Variants in IL13RA1 observed in about 807,000 individuals in gnomAD.
IL13RA1 encodes the protein interleukin 13 receptor subunit alpha 1.
In IL13RA1, 14 loss-of-function variants were observed where a neutral mutation model predicts 33.8. The ratio of observed to expected loss-of-function variants is 0.41; its 90% CI spans 0.27 to 0.65. The LOEUF is 0.65. IL13RA1 is among the 30% of genes least tolerant of loss of function. The probability of loss-of-function intolerance (pLI) is 0.28; values close to 1 mark genes in which losing one functional copy is unlikely to be tolerated. For synonymous variants in IL13RA1, 116 were observed against 115.7 expected, an observed-to-expected ratio of 1.00 and a Z score of -0.02; for missense variants, 313 against 327.0, an observed-to-expected ratio of 0.96 and a Z score of 0.33.
Position 118,782,205 on chromosome X carries a change from T to C in IL13RA1, c.1191+5694T>C, listed in dbSNP as rs1165926640. ...TTCCTGCCTCAGCCTCCTGAATAGCTGGGACTATAGTCACGTGCCACCACA... is the reference window on the plus strand; with the variant it reads ...TTCCTGCCTCAGCCTCCTGAATAGCCGGGACTATAGTCACGTGCCACCACA... On this transcript the variant is annotated intron_variant, in intron 10 of 10. Transcript: ENST00000371666. 2.7e-5 allele frequency among the ~76,000 whole-genome samples: 3 copies of C among 111,748 alleles called. No homozygotes were observed. In the East Asian group the frequency reaches 8.5e-4, roughly 32 times the overall value.
chrX:118,787,747 G>T (rs761498664), intron 10 of IL13RA1, among the ~76,000 whole-genome samples: 12 of 111,652 alleles, frequency 1.1e-4, no homozygotes, highest in Non-Finnish European at 7.5e-5. Context: ...GATATTTCTC[G>T]TACCTGTTTT....
intron 10 of IL13RA1, among the ~76,000 whole-genome samples, chrX:118,788,346 G>T (rs1453488834): frequency 8.9e-6 from 1 of 111,931 alleles, no homozygotes; most frequent in Non-Finnish European, 1.9e-5. Flanking sequence ...GGCAAATTCT[G>T]CCTGCCACTT....
downstream of IL13RA1, among the ~76,000 whole-genome samples, chrX:118,799,340 G>A (rs771601952): frequency 1.5e-3 from 167 of 113,305 alleles, no homozygotes; most frequent in African/African-American, 5.0e-3. Context: ...TGAGGAATGC[G>A]AGCGCACAGT....
chrX:118,782,780 T>G (rs1603221926), intron 10 of IL13RA1, among the ~76,000 whole-genome samples: 1 of 103,571 alleles, frequency 9.7e-6, no homozygotes, highest in Non-Finnish European at 2.0e-5. Context: ...TTTTTTTTTT[T>G]TTGTATGAAT....
At chrX:118,742,507 C>A (rs1427863511) in intron 2 of IL13RA1, among the ~76,000 whole-genome samples, 3 of 112,243 alleles carry the variant, frequency 2.7e-5, no homozygotes, top group Non-Finnish European at 5.6e-5. Context: ...TTTTCAGGTC[C>A]CTTTTCCTTA....
chrX:118,800,645 C>G, the IL13RA1 span, among the ~76,000 whole-genome samples: 2 of 111,110 alleles, frequency 1.8e-5, no homozygotes, highest in Non-Finnish European at 3.8e-5. Context: ...GACCAAGAAC[C>G]CACCAATTCG....
intron 10 of IL13RA1, among the ~76,000 whole-genome samples, chrX:118,784,122 T>C (rs2017884291): frequency 4.7e-5 from 1 of 21,334 alleles, no homozygotes; most frequent in South Asian, 8.5e-3. Context: ...TATATATGTA[T>C]ATATATGTAT....
chrX:118,742,937 C>A (rs748768598), intron 2 of IL13RA1, among the ~76,000 whole-genome samples: 5 of 111,684 alleles, frequency 4.5e-5, no homozygotes, highest in African/African-American at 9.8e-5. Context: ...TGAATGTTGT[C>A]AGTATTATTT....
chrX:118,791,809 C>T lies in IL13RA1; in HGVS notation c.1239C>T (p.Thr413=), dbSNP rs773222338. Residue 413 remains threonine, a synonymous_variant, in exon 11 of 11, where the codon ACC becomes ACT. Coordinates refer to ENST00000371666, the MANE Select transcript of IL13RA1 (RefSeq NM_001560.3). ...ATGAGAAGCAAACCAAGGAGGAAAC[C>T]GACTCTGTAGTGCTGATAGAAAACC... ...DIYEKQTKEE[T]DSVVLIENLK... 76 of 1,083,594 alleles carry T rather than the reference C, an allele frequency of 7.0e-5. No individual in the cohort carries two copies. Among genetic ancestry groups the T allele is most frequent in the Non-Finnish European group, 9.6e-5 (75 of 783,095 alleles). 89.3% of individuals were successfully genotyped at this position (1,083,594 alleles called of 1,213,427 possible). A position where few individuals can be genotyped will look rare whatever the true frequency, so the allele number is the denominator to read the frequency against.
chrX:118,728,628 A>G (rs961084324), intron 1 of IL13RA1, among the ~76,000 whole-genome samples: 8 of 112,249 alleles, frequency 7.1e-5, no homozygotes, highest in Admixed American at 6.6e-4. Context: ...ACATTGACAC[A>G]AACACTTATA....
At chrX:118,770,371 C>T (rs768180767) in intron 8 of IL13RA1, 138 of 371,590 alleles carry the variant, frequency 3.7e-4, no homozygotes, top group Non-Finnish European at 6.9e-4. Context: ...CTGCATCACC[C>T]GGTAGACCAA....
intron 1 of IL13RA1, among the ~76,000 whole-genome samples, chrX:118,730,846 G>C (rs750216472): frequency 8.9e-6 from 1 of 111,964 alleles, no homozygotes; most frequent in South Asian, 3.7e-4. Context: ...TGCATGATTG[G>C]GGTAACTAAG....
chrX:118,763,431 A>G (rs2017611217), intron 6 of IL13RA1, among the ~76,000 whole-genome samples: 1 of 112,325 alleles, frequency 8.9e-6, no homozygotes, highest in East Asian at 2.8e-4. Flanking sequence ...CTAAGGTCAC[A>G]TTTTTAGTAA....
chrX:118,757,932 C>T (rs1053962675), intron 4 of IL13RA1, 123 bp from the exon 5 acceptor site: 13 of 403,878 alleles, frequency 3.2e-5, no homozygotes, highest in Admixed American at 1.8e-4. Flanking sequence ...CTCAAGTGAT[C>T]CGCCTGCCTC....
chrX:118,801,804 A>T, the IL13RA1 span, among the ~76,000 whole-genome samples: 3 of 112,604 alleles, frequency 2.7e-5, no homozygotes, highest in African/African-American at 9.7e-5. Flanking sequence ...TTACAATATC[A>T]TACTATAATA....
At chrX:118,802,196 A>G in the IL13RA1 span, among the ~76,000 whole-genome samples, 1 of 112,000 alleles carries the variant, frequency 8.9e-6, no homozygotes, top group African/African-American at 3.2e-5. Flanking sequence ...AGGCTAATGG[A>G]CAATTAACAA....
chrX:118,758,817 A>G (rs1381389190), intron 5 of IL13RA1: 1 of 111,555 alleles, frequency 9.0e-6, no homozygotes, highest in African/African-American at 3.3e-5. Flanking sequence ...CAATAGATCA[A>G]TCAATTCATG....
chrX:118,774,598 CAGT>C (rs2017762601), intron 9 of IL13RA1, among the ~76,000 whole-genome samples: 1 of 112,353 alleles, frequency 8.9e-6, no homozygotes, highest in Non-Finnish European at 1.9e-5. Flanking sequence ...TCAAGTTAGT[CAGT>C]AGTTCTTAGA....
intron 10 of IL13RA1, 30 bp downstream of exon 10, chrX:118,776,541 G>GTTTTTTTTTTTTT: frequency 4.5e-6 from 1 of 224,601 alleles, no homozygotes; most frequent in Non-Finnish European, 7.7e-6. Flanking sequence ...GGCTTGAAAT[G>GTTTTTTTTTTTTT]TTTTTTTTTT....
Sources: gnomAD v4.1 joint callset for allele counts (sites outside exome capture counted in the v4.1 genomes callset) on GRCh38, gnomAD v4.1.1 for gene constraint, MANE v1.5 for transcripts, NCBI Gene and HGNC (gene_info 2026-07-23, HGNC 2026-07-21) for gene names.